The following B3GALT5 variants were observed in gnomAD, a reference collection of about 807,000 sequenced individuals.
The protein encoded by B3GALT5 is UDP-Gal:betaGlcNAc beta 1,3-galactosyltransferase, polypeptide 5.
For synonymous variants in B3GALT5, 156 were observed against 158.6 expected, an observed-to-expected ratio of 0.98 and a Z score of 0.12; for missense variants, 328 against 396.6, an observed-to-expected ratio of 0.83 and a Z score of 1.47.
At chr21:39,640,944 T>C (rs1237431738) in intron 1 of B3GALT5, among the ~76,000 whole-genome samples, 1 of 152,114 alleles carries the variant, frequency 6.6e-6, no homozygotes, top group East Asian at 1.9e-4. Context: ...CTCACTATGT[T>C]GCCCAGGCTG....
chr21:39,615,785 T>C (rs967236630), intron 1 of B3GALT5, among the ~76,000 whole-genome samples: 2 of 152,230 alleles, frequency 1.3e-5, no homozygotes, highest in East Asian at 1.9e-4. Context: ...TAAAGAACAA[T>C]AGAACAGTGC....
intron 1 of B3GALT5, among the ~76,000 whole-genome samples, chr21:39,617,931 A>C (rs531526267): frequency 1.3e-5 from 2 of 152,208 alleles, no homozygotes; most frequent in Admixed American, 6.5e-5. Context: ...TGAGCCCAAG[A>C]GTTTGATACC....
In B3GALT5 at chr21:39,661,550, C is replaced by A; in HGVS notation, c.*58C>A. ...AGATAACCCGTGGGGATAGTTTTTG[C>A]TAGATTTTGGAAGAGGGGGCGGGAC... is the stretch of plus-strand genomic sequence containing the variant. On this transcript the variant is annotated 3_prime_UTR_variant, in exon 4 of 4. Transcript: ENST00000684187. This position sits in a 1 kb window ranked among gnomAD's most constrained non-coding sequence, Gnocchi z 4.7. 1 of 1,439,868 alleles carries A rather than the reference C, an allele frequency of 6.9e-7. No homozygotes were observed. Among genetic ancestry groups the A allele is most frequent in the Non-Finnish European group, 9.2e-7 (1 of 1,088,492 alleles). The allele number at this position is 1,439,868 out of a possible 1,614,324, so 89.2% of individuals were successfully genotyped here.
intron 2 of B3GALT5, among the ~76,000 whole-genome samples, chr21:39,650,322 G>A (rs904383181): frequency 2.0e-5 from 3 of 152,176 alleles, no homozygotes; most frequent in South Asian, 2.1e-4. Context: ...CAGGTGACAC[G>A]AGAGCCCTTC....
chr21:39,661,614 A>ATGTCGGTG lies in B3GALT5; in HGVS notation c.*124_*131dup. The ATGTCGGTG allele has an allele frequency of 1.0e-6, 1 of 984,864 alleles. No individual in the cohort carries two copies. The highest frequency in any genetic ancestry group is 1.4e-6 in the Non-Finnish European group (1 of 710,984). The allele number at this position is 984,864 out of a possible 1,614,324, so 61.0% of individuals were successfully genotyped here. On this transcript the variant is annotated 3_prime_UTR_variant, in exon 4 of 4. Coordinates refer to ENST00000684187, the MANE Select transcript of B3GALT5 (RefSeq NM_001356336.2). The surrounding 1 kb of genome is among the most constrained non-coding windows in gnomAD (Gnocchi z 4.7). ...CTTCAGTGCTGAAATCCACGCCAGA[A>ATGTCGGTG]TGTCGGTGTTCATGAAGTCACTGAT...
At chr21:39,635,643 T>A (rs2079222066) in intron 1 of B3GALT5, among the ~76,000 whole-genome samples, 1 of 152,150 alleles carries the variant, frequency 6.6e-6, no homozygotes, top group Admixed American at 6.5e-5. Context: ...CACACCCAGC[T>A]AATTTTGTAT....
intron 2 of B3GALT5, among the ~76,000 whole-genome samples, chr21:39,648,869 G>A (rs11700998): frequency 0.75 from 113,709 of 152,050 alleles, 42,835 homozygotes; most frequent in African/African-American, 0.78. Flanking sequence ...TGTCTCTGCC[G>A]TTGTGGGGAC....
Position 39,661,483 on chromosome 21 carries a change from G to A in B3GALT5, c.924G>A (p.Pro308=), listed in dbSNP as rs753952483. Residue 308 remains proline (P), a synonymous_variant, in exon 4 of 4, where the codon CCG becomes CCA. Coordinates refer to ENST00000684187, the MANE Select transcript of B3GALT5 (RefSeq NM_001356336.2). The surrounding 1 kb of genome is among the most constrained non-coding windows in gnomAD (Gnocchi z 4.7). ...AGAATTCCCGGGGGGAAGATTGTCC[G>A]CCTGTCTGAGGGGAGCCCAGAGGCA... ...ALENSRGEDC[P]PV 2.7e-5 allele frequency: 40 copies of A among 1,508,410 alleles called. 1 individual carries two copies. The highest frequency in any genetic ancestry group is 2.5e-4 in the South Asian group (18 of 72,432). The allele number at this position is 1,508,410 out of a possible 1,614,324, so 93.4% of individuals were successfully genotyped here.
intron 1 of B3GALT5, among the ~76,000 whole-genome samples, chr21:39,638,441 G>T (rs2079245188): frequency 6.6e-6 from 1 of 152,178 alleles, no homozygotes; most frequent in Non-Finnish European, 1.5e-5. Context: ...GCGGGCTAGG[G>T]CAGTCGGGGG....
At chr21:39,622,814 T>TG (rs2079140885) in intron 1 of B3GALT5, among the ~76,000 whole-genome samples, 1 of 152,058 alleles carries the variant, frequency 6.6e-6, no homozygotes, top group Admixed American at 6.5e-5. Context: ...CGTCTCCTGT[T>TG]GGATTGATAC....
intron 1 of B3GALT5, among the ~76,000 whole-genome samples, chr21:39,616,345 C>G (rs2079107425): frequency 1.3e-5 from 2 of 152,154 alleles, no homozygotes; most frequent in Non-Finnish European, 1.5e-5. Flanking sequence ...TCTGCAAGTT[C>G]CCTTTTTAAT....
intron 1 of B3GALT5, among the ~76,000 whole-genome samples, chr21:39,620,523 G>A (rs1299325466): frequency 1.3e-5 from 2 of 152,130 alleles, no homozygotes; most frequent in African/African-American, 4.8e-5. Context: ...CTAGCACATG[G>A]GAGGATTTTG....
At chr21:39,626,115 A>G (rs1040253017) in intron 1 of B3GALT5, among the ~76,000 whole-genome samples, 2 of 151,778 alleles carry the variant, frequency 1.3e-5, no homozygotes, top group Non-Finnish European at 2.9e-5. Flanking sequence ...GGGAACCCCC[A>G]TTCTATTTCC....
intron 1 of B3GALT5, among the ~76,000 whole-genome samples, chr21:39,626,062 T>C (rs2079162082): frequency 6.6e-6 from 1 of 152,206 alleles, no homozygotes; most frequent in Non-Finnish European, 1.5e-5. Context: ...GAGGAAATCT[T>C]GTACCCATTA....
chr21:39,648,257 T>C (rs1038177288), intron 2 of B3GALT5, among the ~76,000 whole-genome samples: 5 of 152,258 alleles, frequency 3.3e-5, no homozygotes, highest in African/African-American at 1.2e-4. Context: ...ATATTGACTG[T>C]GCTTTTGGCT....
At chr21:39,617,233 G>T (rs868483593) in intron 1 of B3GALT5, among the ~76,000 whole-genome samples, 5 of 152,134 alleles carry the variant, frequency 3.3e-5, no homozygotes, top group African/African-American at 1.2e-4. Flanking sequence ...AAATGGTTTC[G>T]TATGGTCCTA....
rs575136428 is a variant in B3GALT5 at position 39,616,834 on chromosome 21, A to G, written c.-392+3767A>G. Among the ~76,000 whole-genome samples the G allele has an allele frequency of 8.5e-5, 13 of 152,330 alleles. No homozygotes were observed. In the South Asian group the frequency reaches 2.7e-3, roughly 32 times the overall value. ...TTTGATTAAATTTATTAAAATTTAT[A>G]GTTTTATTAAAAGTTGCTCTCAGGA... On this transcript the variant is annotated intron_variant, in intron 1 of 3. Transcript: ENST00000684187.
chr21:39,661,898 C>T lies in B3GALT5; in HGVS notation c.*406C>T, dbSNP rs940057832. 2 of 172,038 alleles carry T rather than the reference C, an allele frequency of 1.2e-5. No homozygotes were observed. Among genetic ancestry groups the T allele is most frequent in the Non-Finnish European group, 2.8e-5 (2 of 71,772 alleles). The allele number at this position is 172,038 out of a possible 1,614,324, so 10.7% of individuals were successfully genotyped here. A position where few individuals can be genotyped will look rare whatever the true frequency, so the allele number is the denominator to read the frequency against. The stretch of plus-strand genomic sequence containing the variant: ...GCACTGTCAGAATCTGGTGGGCAGC[C>T]CCTGACTTGAACCACTCCCACGTGC... On this transcript the variant is annotated 3_prime_UTR_variant, in exon 4 of 4. Coordinates refer to ENST00000684187, the MANE Select transcript of B3GALT5 (RefSeq NM_001356336.2). The surrounding 1 kb of genome is among the most constrained non-coding windows in gnomAD (Gnocchi z 4.7).
intron 1 of B3GALT5, among the ~76,000 whole-genome samples, chr21:39,634,585 A>C (rs779911251): frequency 6.0e-5 from 9 of 149,392 alleles, no homozygotes; most frequent in Non-Finnish European, 1.3e-4. Flanking sequence ...TAGGTTGTAC[A>C]GTCTCGGAGG....
Sources: allele counts gnomAD v4.1 joint callset (sites outside exome capture counted in the v4.1 genomes callset), GRCh38; gene constraint gnomAD v4.1.1; non-coding constraint Gnocchi (gnomAD v3.1); transcripts MANE v1.5; gene names NCBI Gene and HGNC (gene_info 2026-07-23, HGNC 2026-07-21).